The following PLAGL1 variants were observed in gnomAD, a reference collection of about 807,000 sequenced individuals.
The protein encoded by PLAGL1 is zinc finger protein PLAGL1.
Under a neutral mutation model 4.6 loss-of-function variants are expected in PLAGL1, and 1 was observed. The observed-to-expected ratio is 0.22, with a 90% CI of 0.08 to 1.03. PLAGL1 has a LOEUF of 1.03. Ranked by LOEUF, PLAGL1 falls within the 50% of genes least tolerant of loss-of-function variation. The pLI, the probability that PLAGL1 is intolerant of heterozygous loss-of-function variation, is 0.58. For missense variants in PLAGL1, 464 were observed against 570.4 expected, an observed-to-expected ratio of 0.81 and a Z score of 1.90; for synonymous variants, 240 against 237.8, an observed-to-expected ratio of 1.01 and a Z score of -0.08.
chr6:144,062,097 G>C (rs979046210), intron 1 of PLAGL1, among the ~76,000 whole-genome samples: 2 of 152,144 alleles, frequency 1.3e-5, no homozygotes, highest in Non-Finnish European at 2.9e-5. Flanking sequence ...GACATCATGG[G>C]CCGGGCACGG....
chr6:143,972,744 A>G lies in PLAGL1; in HGVS notation c.-543-3766T>C, dbSNP rs889547077. Among the ~76,000 whole-genome samples, 1 of 152,210 alleles carries G rather than the reference A, an allele frequency of 6.6e-6. No individual in the cohort carries two copies. The highest frequency in any genetic ancestry group is 1.5e-5 in the Non-Finnish European group (1 of 68,036). On this transcript the variant is annotated intron_variant, in intron 2 of 7. Coordinates refer to ENST00000674357, the MANE Select transcript of PLAGL1 (RefSeq NM_001317162.2). This position sits in a 1 kb window ranked among gnomAD's most constrained non-coding sequence, Gnocchi z 6.8. ...TTAGAGAGTTTCATATAATATCAAT[A>G]ATGCTTACTGTATCACTGTTTTCTT...
In PLAGL1 at chr6:144,015,777, GAAGA is replaced by G. The variant is rs1294499118; in HGVS notation, c.-150-46803_-150-46800del. On this transcript the variant is annotated intron_variant, in intron 1 of 3. Coordinates refer to the PLAGL1 transcript ENST00000437412. This position sits in a 1 kb window ranked among gnomAD's most constrained non-coding sequence, Gnocchi z 4.3. The stretch of plus-strand genomic sequence containing the variant: ...AAACTGGAACTCTCGCACATTGCTA[GAAGA>G]AATATAAAATGATACAGCCACTTTG... Among the ~76,000 whole-genome samples the G allele has an allele frequency of 6.6e-6, 1 of 152,162 alleles. No individual in the cohort carries two copies. Among genetic ancestry groups the G allele is most frequent in the Non-Finnish European group, 1.5e-5 (1 of 68,022 alleles).
intron 1 of PLAGL1, among the ~76,000 whole-genome samples, chr6:144,023,768 CTTTTTTTT>C (rs34002736): frequency 1.4e-5 from 1 of 72,638 alleles, no homozygotes; most frequent in Admixed American, 1.7e-4. Context: ...TCATATTTAG[CTTTTTTTT>C]TTTTTTTTTT....
chr6:144,007,291 G>C (rs1794437216), intron 1 of PLAGL1: 1 of 152,166 alleles, frequency 6.6e-6, no homozygotes, highest in Non-Finnish European at 1.5e-5. Flanking sequence ...ACGCGGAGGG[G>C]CTGCGGGGGA....
chr6:144,032,030 A>T (rs1005227663), intron 1 of PLAGL1, among the ~76,000 whole-genome samples: 3 of 152,010 alleles, frequency 2.0e-5, no homozygotes. Flanking sequence ...TTTCTTTCAT[A>T]GTCATGATGA....
intron 2 of PLAGL1, among the ~76,000 whole-genome samples, chr6:143,980,106 T>C (rs1346457100): frequency 2.0e-5 from 3 of 152,138 alleles, no homozygotes; most frequent in Non-Finnish European, 4.4e-5. Flanking sequence ...TTCCTCTGAA[T>C]GTATAGTTTT....
Position 144,061,655 on chromosome 6 carries a change from TAC to T in PLAGL1, c.-151+2811_-151+2812del, listed in dbSNP as rs574644600. Among the ~76,000 whole-genome samples, 21 of 152,336 alleles carry T rather than the reference TAC, an allele frequency of 1.4e-4. No homozygotes were observed. The South Asian group carries it at 2.7e-3, about 20-fold the overall frequency. On this transcript the variant is annotated intron_variant, in intron 1 of 3. Coordinates refer to the PLAGL1 transcript ENST00000437412. This position sits in a 1 kb window ranked among gnomAD's most constrained non-coding sequence, Gnocchi z 4.4. ...AAATAACTTTAAAACTACAAATCTATACAGTTTTATTAAAATGTATATGAAAA... is the reference window on the plus strand; with the variant it reads ...AAATAACTTTAAAACTACAAATCTATAGTTTTATTAAAATGTATATGAAAA...
chr6:143,942,914 G>A lies in PLAGL1; in HGVS notation c.153-251C>T, dbSNP rs1778953751. On this transcript the variant is annotated intron_variant, in intron 7 of 7. Coordinates refer to ENST00000674357, the MANE Select transcript of PLAGL1 (RefSeq NM_001317162.2). The surrounding 1 kb of genome is among the most constrained non-coding windows in gnomAD (Gnocchi z 7.6). Reference sequence around the variant, plus strand: ...AGGATCTGACTCTTTTGCCCAGGCTGGAGTGCAGTGGCACGATCATGGCTC... The same window carrying A: ...AGGATCTGACTCTTTTGCCCAGGCTAGAGTGCAGTGGCACGATCATGGCTC... Among the ~76,000 whole-genome samples the A allele has an allele frequency of 6.6e-6, 1 of 152,080 alleles. No individual in the cohort carries two copies. The highest frequency in any genetic ancestry group is 1.5e-5 in the Non-Finnish European group (1 of 68,016).
Position 143,966,365 on chromosome 6 carries a change from GCAAAA to G in PLAGL1, c.-471-172_-471-168del, listed in dbSNP as rs1239879616. ...AAATGGCCAAACAGTAATTCAAATA[GCAAAA>G]CAAACAAAAAACCCAACTGTGCACA... On this transcript the variant is annotated intron_variant, in intron 3 of 7. Transcript: ENST00000674357. This position sits in a 1 kb window ranked among gnomAD's most constrained non-coding sequence, Gnocchi z 6.0. 6.6e-6 allele frequency: 1 copy of G among 152,042 alleles called. No homozygotes were observed. The highest frequency in any genetic ancestry group is 1.5e-5 in the Non-Finnish European group (1 of 68,016). The allele number at this position is 152,042 out of a possible 1,614,324, so 9.4% of individuals were successfully genotyped here.
At chr6:143,992,516 A>C (rs1790693795) in intron 1 of PLAGL1, among the ~76,000 whole-genome samples, 1 of 152,242 alleles carries the variant, frequency 6.6e-6, no homozygotes, top group Admixed American at 6.5e-5. Flanking sequence ...AAAACCTAAA[A>C]TATATGACCT....
In PLAGL1 at chr6:144,036,697, G is replaced by A. The variant is rs1583819812; in HGVS notation, c.-151+27771C>T. The A allele has an allele frequency of 1.1e-5, 3 of 268,670 alleles. No homozygotes were observed. The highest frequency in any genetic ancestry group is 2.1e-5 in the Non-Finnish European group (3 of 140,156). The allele number at this position is 268,670 out of a possible 1,614,324, so 16.6% of individuals were successfully genotyped here. On this transcript the variant is annotated intron_variant, in intron 1 of 3. Coordinates refer to the PLAGL1 transcript ENST00000437412. This position sits in a 1 kb window ranked among gnomAD's most constrained non-coding sequence, Gnocchi z 5.1. Reference sequence around the variant, plus strand: ...GCTTCTTCACTACTCAGGGACGAAAGAAAGAGGAAAGAATGGAAAAAGTGA... The same window carrying A: ...GCTTCTTCACTACTCAGGGACGAAAAAAAGAGGAAAGAATGGAAAAAGTGA...
chr6:144,052,149 A>C (rs1300424455), intron 1 of PLAGL1, among the ~76,000 whole-genome samples: 1 of 152,204 alleles, frequency 6.6e-6, no homozygotes, highest in Non-Finnish European at 1.5e-5. Context: ...CAGAAAAATA[A>C]ATATTTGTCC....
At position 143,942,843 on chromosome 6, in the gene PLAGL1, T is replaced by C. The variant is rs2128505573; in HGVS notation, c.153-180A>G. 6.6e-6 allele frequency among the ~76,000 whole-genome samples: 1 copy of C among 152,214 alleles called. No individual in the cohort carries two copies. Among genetic ancestry groups the C allele is most frequent in the South Asian group, 2.1e-4 (1 of 4,818 alleles). On this transcript the variant is annotated intron_variant, in intron 7 of 7. Transcript: ENST00000674357. This position sits in a 1 kb window ranked among gnomAD's most constrained non-coding sequence, Gnocchi z 7.6. ...TATAATTAAGAAAAGCAAGCAATAC[T>C]AAAGCCATAATACATTTTTCACACC...
In PLAGL1 at chr6:143,984,246, T is replaced by A. The variant is rs1788548608; in HGVS notation, c.-544+889A>T. Among the ~76,000 whole-genome samples, 1 of 152,168 alleles carries A rather than the reference T, an allele frequency of 6.6e-6. No individual in the cohort carries two copies. Among genetic ancestry groups the A allele is most frequent in the South Asian group, 2.1e-4 (1 of 4,832 alleles). ...AATTAATTCTGTCATTTATATCAGT[T>A]TCCTAAATTCTAAAGCAAAATTTCT... On this transcript the variant is annotated intron_variant, in intron 2 of 7. Transcript: ENST00000674357. The surrounding 1 kb of genome is among the most constrained non-coding windows in gnomAD (Gnocchi z 5.5).
chr6:143,986,904 A>C (rs1049303847), intron 1 of PLAGL1, among the ~76,000 whole-genome samples: 18 of 152,104 alleles, frequency 1.2e-4, no homozygotes, highest in African/African-American at 4.3e-4. Context: ...CAGCCAGGGG[A>C]GGAGAATGCA....
chr6:144,055,748 A>C lies in PLAGL1; in HGVS notation c.-151+8720T>G, dbSNP rs1798918258. ...ATAAATCATAACTACAGGTGCCTTT[A>C]GGAAAGTGAAAGCTACATTTACATT... On this transcript the variant is annotated intron_variant, in intron 1 of 3. Coordinates refer to the PLAGL1 transcript ENST00000437412. This position sits in a 1 kb window ranked among gnomAD's most constrained non-coding sequence, Gnocchi z 5.0. Among the ~76,000 whole-genome samples, 1 of 152,226 alleles carries C rather than the reference A, an allele frequency of 6.6e-6. No homozygotes were observed. Among genetic ancestry groups the C allele is most frequent in the South Asian group, 2.1e-4 (1 of 4,834 alleles).
At chr6:143,991,401 T>TG (rs1790446182) in intron 1 of PLAGL1, among the ~76,000 whole-genome samples, 1 of 152,158 alleles carries the variant, frequency 6.6e-6, no homozygotes, top group Non-Finnish European at 1.5e-5. Flanking sequence ...AACATGGCAC[T>TG]GGGGGGCCGT....
chr6:144,012,080 C>A (rs1795228341), upstream of PLAGL1, among the ~76,000 whole-genome samples: 1 of 152,170 alleles, frequency 6.6e-6, no homozygotes, highest in Non-Finnish European at 1.5e-5. The surrounding 1 kb of genome is among the most constrained non-coding windows in gnomAD (Gnocchi z 4.8). Context: ...GGAGACAAAG[C>A]ACGCCTCCAT....
Position 143,994,767 on chromosome 6 carries a change from G to C in PLAGL1, c.-583-9593C>G, listed in dbSNP as rs9321956. Among the ~76,000 whole-genome samples, 56,685 of 152,088 alleles carry C rather than the reference G, an allele frequency of 0.37. 11,106 individuals carry two copies. Among genetic ancestry groups the C allele is most frequent in the Non-Finnish European group, 0.46 (30,957 of 67,966 alleles). ...CCTAATGTGACTGTATTTGGAGATA[G>C]GGCCATCAGGGAGGTAATTAAGGTT... On this transcript the variant is annotated intron_variant, in intron 1 of 7. Transcript: ENST00000674357. The surrounding 1 kb of genome is among the most constrained non-coding windows in gnomAD (Gnocchi z 4.3).
Sources: gnomAD v4.1 joint callset for allele counts (sites outside exome capture counted in the v4.1 genomes callset) on GRCh38, gnomAD v4.1.1 for gene constraint, Gnocchi (gnomAD v3.1) non-coding constraint, MANE v1.5 for transcripts, NCBI Gene and HGNC (gene_info 2026-07-23, HGNC 2026-07-21) for gene names.